S100Z: variants seen among roughly 807,000 people sequenced by gnomAD.
The protein encoded by S100Z is protein S100-Z.
A neutral mutation model predicts 8.5 loss-of-function variants in S100Z; 11 were observed. That is an observed-to-expected ratio of 1.30 (90% confidence interval 0.82 to 2.15). S100Z has a LOEUF of 2.15. Among genes scored for constraint, S100Z ranks in the 30% most tolerant of loss-of-function variants. The pLI, the probability that S100Z is intolerant of heterozygous loss-of-function variation, is 0.00. For synonymous variants in S100Z, 34 were observed against 43.8 expected (o/e 0.78, Z 0.89); for missense variants, 126 against 117.9 (o/e 1.07, Z -0.32).
intron 3 of S100Z, 48 bp from the exon 4 acceptor site, chr5:76,877,626 T>C: frequency 1.8e-6 from 2 of 1,128,606 alleles, no homozygotes; most frequent in Non-Finnish European, 2.6e-6. Flanking sequence ...TCAATTGTCA[T>C]CATGAACCTC....
intron 4 of S100Z, among the ~76,000 whole-genome samples, chr5:76,913,856 A>G (rs1197474156): frequency 6.6e-6 from 1 of 152,134 alleles, no homozygotes; most frequent in Non-Finnish European, 1.5e-5. Flanking sequence ...ATTTACAGGA[A>G]AAGGCTTCTG....
the S100Z span, among the ~76,000 whole-genome samples, chr5:76,933,335 C>T: frequency 6.6e-6 from 1 of 152,158 alleles, no homozygotes; most frequent in South Asian, 2.1e-4. Flanking sequence ...TACAGTGGAA[C>T]AGGGAAGAAT....
chr5:76,910,798 C>T (rs1453621212), intron 4 of S100Z, among the ~76,000 whole-genome samples: 1 of 152,190 alleles, frequency 6.6e-6, no homozygotes, highest in Non-Finnish European at 1.5e-5. Context: ...GCGCGGCCTT[C>T]TCAGTGTTAA....
At chr5:76,872,726 C>A (rs1215713475) in intron 2 of S100Z, among the ~76,000 whole-genome samples, 4 of 152,098 alleles carry the variant, frequency 2.6e-5, no homozygotes, top group African/African-American at 4.8e-5. Context: ...TTTGGGAGGC[C>A]AAGGCAGGCG....
chr5:76,948,842 A>G, the S100Z span: 2 of 152,356 alleles, frequency 1.3e-5, no homozygotes, highest in East Asian at 3.9e-4. Flanking sequence ...AGAGGAACAG[A>G]AAATCAAATA....
At chr5:76,859,022 G>A (rs1750970174) in intron 1 of S100Z, among the ~76,000 whole-genome samples, 1 of 152,290 alleles carries the variant, frequency 6.6e-6, no homozygotes, top group South Asian at 2.1e-4. Context: ...GCTGAGGCAT[G>A]AGAATCTCTT....
chr5:76,933,297 G>T, the S100Z span, among the ~76,000 whole-genome samples: 7 of 152,208 alleles, frequency 4.6e-5, no homozygotes, highest in Non-Finnish European at 8.8e-5. Flanking sequence ...AAAGAAAAAC[G>T]TTGTTCCAGT....
At chr5:76,906,790 G>T (rs984333683) in intron 4 of S100Z, among the ~76,000 whole-genome samples, 1 of 151,346 alleles carries the variant, frequency 6.6e-6, no homozygotes, top group Non-Finnish European at 1.5e-5. Flanking sequence ...CTGCCACCAC[G>T]CTCAGCTAAT....
intron 1 of S100Z, among the ~76,000 whole-genome samples, chr5:76,856,769 G>A (rs1338065977): frequency 6.6e-6 from 1 of 152,216 alleles, no homozygotes; most frequent in African/African-American, 2.4e-5. Flanking sequence ...AAATAAAATT[G>A]TACTGATACG....
chr5:76,935,494 T>C, the S100Z span, among the ~76,000 whole-genome samples: 2 of 152,182 alleles, frequency 1.3e-5, no homozygotes, highest in Non-Finnish European at 2.9e-5. Context: ...AGCAACCACT[T>C]TGCTCAGTCT....
intron 3 of S100Z, among the ~76,000 whole-genome samples, 189 bp from the exon 4 acceptor site, chr5:76,877,485 G>A (rs1435875706): frequency 2.0e-5 from 3 of 152,178 alleles, no homozygotes; most frequent in Non-Finnish European, 2.9e-5. Flanking sequence ...ATATGGAGCT[G>A]GGGCAGGGGG....
Position 76,893,852 on chromosome 5 carries a change from T to C in S100Z, c.*2+16018T>C, listed in dbSNP as rs369809417. ...CAACTAAGGGTGCACCCTGGGTTTC[T>C]ACTATCTCCTTTTGCAAATCTTGGA... On this transcript the variant is annotated intron_variant, in intron 4 of 4. Transcript: ENST00000317593. 6.6e-5 allele frequency among the ~76,000 whole-genome samples: 10 copies of C among 152,334 alleles called. No homozygotes were observed. In the East Asian group the frequency reaches 9.6e-4, roughly 15 times the overall value.
At chr5:76,925,693 G>A (rs1013836393), downstream of S100Z, among the ~76,000 whole-genome samples, 8 of 152,240 alleles carry the variant, frequency 5.3e-5, no homozygotes, top group East Asian at 3.9e-4. Context: ...AAAGCCAGGC[G>A]TGGTGGCTCA....
At chr5:76,897,442 CA>C (rs1030708478) in intron 4 of S100Z, among the ~76,000 whole-genome samples, 1 of 144,282 alleles carries the variant, frequency 6.9e-6, no homozygotes, top group Admixed American at 6.9e-5. Flanking sequence ...GACTCTGTCT[CA>C]AAAAAAATAA....
chr5:76,928,139 T>C, the S100Z span, among the ~76,000 whole-genome samples: 3 of 152,172 alleles, frequency 2.0e-5, no homozygotes, highest in African/African-American at 4.8e-5. Flanking sequence ...CTCCTTTGTT[T>C]TGAAACAAAG....
rs905511206 is a variant in S100Z at position 76,918,691 on chromosome 5, A to G, written c.*3-2026A>G. On this transcript the variant is annotated intron_variant, in intron 4 of 4. Coordinates refer to ENST00000317593, the MANE Select transcript of S100Z (RefSeq NM_130772.4). ...GTTACAATAGAACCTACGTTGACACATCATTATTACCCAGTGTCTGTAGTT... is the reference window on the plus strand; with the variant it reads ...GTTACAATAGAACCTACGTTGACACGTCATTATTACCCAGTGTCTGTAGTT... 3.3e-5 allele frequency among the ~76,000 whole-genome samples: 5 copies of G among 152,332 alleles called. 1 individual carries two copies. In the East Asian group the frequency reaches 9.6e-4, roughly 29 times the overall value.
intron 2 of S100Z, among the ~76,000 whole-genome samples, chr5:76,872,519 G>A (rs939169726): frequency 6.6e-6 from 1 of 151,560 alleles, no homozygotes; most frequent in African/African-American, 2.4e-5. Flanking sequence ...AAATTAGTCA[G>A]GCATGATAAC....
intron 4 of S100Z, among the ~76,000 whole-genome samples, chr5:76,888,211 T>A (rs563069194): frequency 6.7e-6 from 1 of 148,776 alleles, no homozygotes; most frequent in East Asian, 2.0e-4. Context: ...GAGCCAAGAT[T>A]ATGCCACTGC....
At chr5:76,873,365 G>C (rs900009678) in intron 2 of S100Z, among the ~76,000 whole-genome samples, 1 of 149,270 alleles carries the variant, frequency 6.7e-6, no homozygotes, top group African/African-American at 2.5e-5. Context: ...TGGAGTGCAG[G>C]GACGTGATCT....
Sources: allele counts gnomAD v4.1 joint callset (sites outside exome capture counted in the v4.1 genomes callset), GRCh38; gene constraint gnomAD v4.1.1; transcripts MANE v1.5; gene names NCBI Gene and HGNC (gene_info 2026-07-23, HGNC 2026-07-21).